The following TMEM132B variants were observed in gnomAD, a reference collection of about 807,000 sequenced individuals.
The protein encoded by TMEM132B is transmembrane protein 132B.
In TMEM132B, 18 loss-of-function variants were observed where a neutral mutation model predicts 90.8. The observed-to-expected ratio is 0.20, with a 90% CI of 0.14 to 0.29. TMEM132B has a LOEUF of 0.29. Ranked by LOEUF, TMEM132B falls within the 10% of genes least tolerant of loss-of-function variation. TMEM132B has a pLI of 1.00. For missense variants in TMEM132B, 1,096 were observed against 1,326.8 expected (o/e 0.83, Z 2.70); for synonymous variants, 504 against 523.3 (o/e 0.96, Z 0.50).
chr12:125,337,173 G>A (rs1876991732), intron 1 of TMEM132B, among the ~76,000 whole-genome samples: 1 of 152,206 alleles, frequency 6.6e-6, no homozygotes, highest in Non-Finnish European at 1.5e-5. Context: ...GTTTACATAA[G>A]GAAGTGCTAT....
At chr12:125,559,815 A>G (rs1884475885) in intron 4 of TMEM132B, among the ~76,000 whole-genome samples, 1 of 152,156 alleles carries the variant, frequency 6.6e-6, no homozygotes, top group Non-Finnish European at 1.5e-5. Context: ...CGATTGACAC[A>G]TGCGTCCTGA....
At position 125,287,533 on chromosome 12, in the gene TMEM132B, C is replaced by T. The variant is rs548623030; in HGVS notation, c.68-61919C>T. Among the ~76,000 whole-genome samples the T allele has an allele frequency of 6.6e-5, 10 of 152,240 alleles. No homozygotes were observed. The South Asian group carries it at 1.9e-3, about 28-fold the overall frequency. Reference sequence around the variant, plus strand: ...ATACTCAGATGAAAACAAAAAGGGCCTTAATCTCCCTGCCCAAATAACCTC... The same window carrying T: ...ATACTCAGATGAAAACAAAAAGGGCTTTAATCTCCCTGCCCAAATAACCTC... On this transcript the variant is annotated intron_variant, in intron 1 of 8. Coordinates refer to ENST00000682704, the MANE Select transcript of TMEM132B (RefSeq NM_001366854.1).
At chr12:125,571,268 T>C (rs1230341097) in intron 4 of TMEM132B, among the ~76,000 whole-genome samples, 4 of 152,152 alleles carry the variant, frequency 2.6e-5, no homozygotes, top group Non-Finnish European at 5.9e-5. Flanking sequence ...ATCTTTCAGC[T>C]TCAGTTCCCT....
intron 5 of TMEM132B, chr12:125,584,328 A>G: frequency 3.8e-6 from 1 of 264,296 alleles, no homozygotes; most frequent in East Asian, 9.1e-5. Context: ...TAGCAATCCA[A>G]ATAAGACCTT....
At chr12:125,384,199 T>C (rs1593115672) in intron 2 of TMEM132B, among the ~76,000 whole-genome samples, 1 of 152,312 alleles carries the variant, frequency 6.6e-6, no homozygotes, top group South Asian at 2.1e-4. Flanking sequence ...TGCCTCGGCC[T>C]CCTCAAGTGC....
chr12:125,421,828 T>G (rs1042101046), intron 3 of TMEM132B, among the ~76,000 whole-genome samples: 7 of 152,214 alleles, frequency 4.6e-5, no homozygotes, highest in Non-Finnish European at 7.3e-5. Context: ...ATCGTATGGA[T>G]TTGTGAAACA....
intron 2 of TMEM132B, among the ~76,000 whole-genome samples, chr12:125,363,521 G>A (rs1368142122): frequency 3.3e-5 from 5 of 152,180 alleles, no homozygotes; most frequent in Non-Finnish European, 7.3e-5. Context: ...AGTTTTCAGT[G>A]CCTAGTAGTG....
At chr12:125,245,352 G>A (rs937852660) in intron 1 of TMEM132B, among the ~76,000 whole-genome samples, 7 of 149,562 alleles carry the variant, frequency 4.7e-5, no homozygotes, top group Admixed American at 6.8e-5. Context: ...AAGACCCCCC[G>A]CAACCAGGCA....
chr12:125,483,015 T>A (rs868077053), intron 3 of TMEM132B, among the ~76,000 whole-genome samples: 1 of 151,290 alleles, frequency 6.6e-6, no homozygotes, highest in Non-Finnish European at 1.5e-5. Context: ...AAACACCGCA[T>A]GTTCTCACTC....
At chr12:125,485,274 C>CT (rs1157513814) in intron 3 of TMEM132B, among the ~76,000 whole-genome samples, 1 of 152,114 alleles carries the variant, frequency 6.6e-6, no homozygotes, top group Non-Finnish European at 1.5e-5. Flanking sequence ...ATATTTTTGA[C>CT]TTCCGCAAAG....
At chr12:125,319,595 ACT>A (rs771333590) in intron 1 of TMEM132B, among the ~76,000 whole-genome samples, 2 of 151,868 alleles carry the variant, frequency 1.3e-5, no homozygotes, top group Non-Finnish European at 2.9e-5. Context: ...ATGGGCACTG[ACT>A]CTCTGGTTCC....
intron 1 of TMEM132B, among the ~76,000 whole-genome samples, chr12:125,346,267 CAAT>C (rs751592124): frequency 2.6e-5 from 4 of 152,252 alleles, no homozygotes; most frequent in South Asian, 2.1e-4. Context: ...ATAAAGAAAA[CAAT>C]AAACCAATCT....
At chr12:125,605,728 A>G (rs1885678974) in intron 5 of TMEM132B, among the ~76,000 whole-genome samples, 1 of 152,204 alleles carries the variant, frequency 6.6e-6, no homozygotes, top group African/African-American at 2.4e-5. Flanking sequence ...CTTATATGTT[A>G]GGGGTTCTGA....
At chr12:125,471,583 G>A (rs1881723138) in intron 3 of TMEM132B, among the ~76,000 whole-genome samples, 1 of 152,200 alleles carries the variant, frequency 6.6e-6, no homozygotes, top group African/African-American at 2.4e-5. Flanking sequence ...GTCTTTGCAG[G>A]GAGCCGCTGA....
At position 125,653,715 on chromosome 12, in the gene TMEM132B, G is replaced by T. The variant is rs1219875622; in HGVS notation, c.2257G>T (p.Val753Leu). ...AAACCTTGAGTCCAAATGGCCAATTGTGGTTGCAGAGGGTGAAGGACAAGG... is the reference window on the plus strand; with the variant it reads ...AAACCTTGAGTCCAAATGGCCAATTTTGGTTGCAGAGGGTGAAGGACAAGG... ...QANLESKWPI[V>L]VAEGEGQGPL... The change falls in exon 9 of 9, where the codon GTG becomes TTG. Residue 753 changes from valine to leucine, a missense_variant. Transcript: ENST00000682704. 1.2e-6 allele frequency: 2 copies of T among 1,614,062 alleles called. No individual in the cohort carries two copies. Among genetic ancestry groups the T allele is most frequent in the African/African-American group, 2.7e-5 (2 of 74,920 alleles).
intron 3 of TMEM132B, among the ~76,000 whole-genome samples, chr12:125,433,826 C>T (rs930866353): frequency 1.3e-4 from 20 of 151,986 alleles, no homozygotes; most frequent in African/African-American, 2.9e-4. Context: ...CTGCCTACGC[C>T]GAAGCCTTTT....
In TMEM132B at chr12:125,571,197, G is replaced by A. The variant is rs181722439; in HGVS notation, c.1294-12654G>A. 5.3e-5 allele frequency among the ~76,000 whole-genome samples: 8 copies of A among 152,300 alleles called. No individual in the cohort carries two copies. The East Asian group carries it at 1.5e-3, about 29-fold the overall frequency. On this transcript the variant is annotated intron_variant, in intron 4 of 8. Transcript: ENST00000682704. ...GGGATCGGGGACTCTGGTGTCAAAT[G>A]TTTTTGCTCCCATCCTGGCTCTGCA... is the stretch of plus-strand genomic sequence containing the variant.
At chr12:125,315,625 A>G (rs1245821300) in intron 1 of TMEM132B, among the ~76,000 whole-genome samples, 1 of 152,170 alleles carries the variant, frequency 6.6e-6, no homozygotes, top group African/African-American at 2.4e-5. Context: ...TGTTTTACAG[A>G]TGAGGAAACT....
At chr12:125,512,950 G>C (rs1297327663) in intron 3 of TMEM132B, among the ~76,000 whole-genome samples, 1 of 152,244 alleles carries the variant, frequency 6.6e-6, no homozygotes, top group Non-Finnish European at 1.5e-5. Flanking sequence ...CAGGACATCA[G>C]TGTTGGTGGG....
Sources: gnomAD v4.1 joint callset for allele counts (sites outside exome capture counted in the v4.1 genomes callset) on GRCh38, gnomAD v4.1.1 for gene constraint, MANE v1.5 for transcripts, NCBI Gene and HGNC (gene_info 2026-07-23, HGNC 2026-07-21) for gene names.